STAG1: variants seen among roughly 807,000 people sequenced by gnomAD.
STAG1 encodes the protein STAG1 cohesin complex component.
In STAG1, 26 loss-of-function variants were observed where a neutral mutation model predicts 170.9. That is an observed-to-expected ratio of 0.15 (90% CI 0.11 to 0.21). STAG1 has a LOEUF of 0.21. Among genes scored for constraint, STAG1 ranks in the 10% least tolerant of loss-of-function variants. STAG1 has a pLI of 1.00. For missense variants in STAG1, 964 were observed against 1,509.5 expected, an observed-to-expected ratio of 0.64 and a Z score of 5.99; for synonymous variants, 514 against 497.7, an observed-to-expected ratio of 1.03 and a Z score of -0.44.
At chr3:136,625,968 G>A (rs1235859792) in intron 2 of STAG1, among the ~76,000 whole-genome samples, 10 of 151,388 alleles carry the variant, frequency 6.6e-5, no homozygotes, top group Admixed American at 5.9e-4. Context: ...CACGAGAATC[G>A]CTTGAACCCG....
chr3:136,471,395 C>T (rs2089624309), intron 12 of STAG1, among the ~76,000 whole-genome samples: 1 of 151,334 alleles, frequency 6.6e-6, no homozygotes, highest in African/African-American at 2.4e-5. Flanking sequence ...AAATTCATAT[C>T]AAACAAAAAT....
intron 3 of STAG1, among the ~76,000 whole-genome samples, chr3:136,620,022 C>CAA: frequency 6.6e-6 from 1 of 151,788 alleles, no homozygotes; most frequent in Non-Finnish European, 1.5e-5. Context: ...GCCACAGTTG[C>CAA]GCCACTGCAC....
At chr3:136,564,682 T>A (rs898951168) in intron 5 of STAG1, among the ~76,000 whole-genome samples, 3 of 151,968 alleles carry the variant, frequency 2.0e-5, no homozygotes, top group Non-Finnish European at 4.4e-5. Flanking sequence ...TTTTGTCAAA[T>A]GTCTTTTCAG....
chr3:136,704,274 C>T, intron 1 of STAG1, among the ~76,000 whole-genome samples: 1 of 151,738 alleles, frequency 6.6e-6, no homozygotes, highest in East Asian at 2.0e-4. Context: ...TAGTCTCGAA[C>T]CCCTGACCTC....
chr3:136,433,305 A>AATAT (rs989127492), intron 16 of STAG1, among the ~76,000 whole-genome samples: 91 of 151,138 alleles, frequency 6.0e-4, no homozygotes, highest in African/African-American at 2.2e-3. Flanking sequence ...AAATCCTTAA[A>AATAT]ATATATATAT....
chr3:136,504,301 T>C (rs2107870340), intron 7 of STAG1, among the ~76,000 whole-genome samples: 1 of 152,292 alleles, frequency 6.6e-6, no homozygotes, highest in South Asian at 2.1e-4. Flanking sequence ...AAAATTATAA[T>C]GCAAAAATCC....
At chr3:136,527,577 T>G (rs1270836230) in intron 6 of STAG1, among the ~76,000 whole-genome samples, 2 of 152,172 alleles carry the variant, frequency 1.3e-5, no homozygotes, top group Admixed American at 1.3e-4. Context: ...CTCTGAAGCC[T>G]CCTTCTCTCA....
intron 22 of STAG1, among the ~76,000 whole-genome samples, chr3:136,395,522 G>A (rs2087124396): frequency 6.6e-6 from 1 of 152,164 alleles, no homozygotes; most frequent in South Asian, 2.1e-4. Context: ...CCTGGAGGCT[G>A]AGGCAGGAGA....
intron 22 of STAG1, among the ~76,000 whole-genome samples, chr3:136,393,014 AACTGTATAAATGACTAC>A (rs1488184727): frequency 5.3e-5 from 8 of 152,150 alleles, no homozygotes; most frequent in African/African-American, 1.4e-4. Flanking sequence ...ATGTTTCTAT[AACTGTATAAATGACTAC>A]AGAAAGAAAA....
chr3:136,678,491 C>A, intron 1 of STAG1, among the ~76,000 whole-genome samples: 1 of 147,694 alleles, frequency 6.8e-6, no homozygotes. Flanking sequence ...CTTATGTTAT[C>A]CAACATACAA....
chr3:136,636,020 G>T (rs990169814), intron 1 of STAG1, among the ~76,000 whole-genome samples: 4 of 152,192 alleles, frequency 2.6e-5, no homozygotes, highest in African/African-American at 9.6e-5. Context: ...AGCTGAGGCA[G>T]GTGGATCACC....
At chr3:136,450,741 C>CTTT in intron 14 of STAG1, among the ~76,000 whole-genome samples, 1 of 151,976 alleles carries the variant, frequency 6.6e-6, no homozygotes, top group Non-Finnish European at 1.5e-5. Context: ...ATTTTGTTTG[C>CTTT]TTATTTATTT....
At chr3:136,736,944 A>G in intron 1 of STAG1, 2 of 1,595,522 alleles carry the variant, frequency 1.3e-6, no homozygotes, top group Non-Finnish European at 8.6e-7. Flanking sequence ...CTTTGTCCAC[A>G]GCCTCAAAAG....
chr3:136,704,051 ATTT>A (rs113353607), intron 1 of STAG1, among the ~76,000 whole-genome samples: 11 of 129,956 alleles, frequency 8.5e-5, no homozygotes, highest in African/African-American at 1.2e-4. Flanking sequence ...GGCATAAATG[ATTT>A]TTTTTTTTTT....
chr3:136,625,619 A>G (rs1225038782), intron 2 of STAG1, among the ~76,000 whole-genome samples: 1 of 152,184 alleles, frequency 6.6e-6, no homozygotes. Flanking sequence ...GAATTGATAG[A>G]ATGATATCAG....
chr3:136,505,494 A>G (rs952950207), intron 7 of STAG1, among the ~76,000 whole-genome samples: 4 of 152,252 alleles, frequency 2.6e-5, no homozygotes, highest in South Asian at 2.1e-4. Context: ...ACTAATAAAT[A>G]CATATATACT....
chr3:136,413,259 G>A (rs971971983), intron 21 of STAG1, among the ~76,000 whole-genome samples: 17 of 146,968 alleles, frequency 1.2e-4, no homozygotes, highest in South Asian at 4.2e-4. Context: ...AATATATATC[G>A]TATATTACAT....
At chr3:136,574,898 C>T (rs1937399930) in intron 4 of STAG1, among the ~76,000 whole-genome samples, 1 of 152,074 alleles carries the variant, frequency 6.6e-6, no homozygotes, top group African/African-American at 2.4e-5. Flanking sequence ...AGAATATTCA[C>T]CAAAATAAAT....
At chr3:136,469,015 C>T (rs957829519) in intron 12 of STAG1, among the ~76,000 whole-genome samples, 1 of 152,096 alleles carries the variant, frequency 6.6e-6, no homozygotes, top group African/African-American at 2.4e-5. Context: ...TTATGACAAA[C>T]CCACACCCAA....
Sources: gnomAD v4.1 joint callset for allele counts (sites outside exome capture counted in the v4.1 genomes callset) on GRCh38, gnomAD v4.1.1 for gene constraint, MANE v1.5 for transcripts, NCBI Gene and HGNC (gene_info 2026-07-23, HGNC 2026-07-21) for gene names.